Variants in SKAP1 observed in about 807,000 individuals in gnomAD.
SKAP1 encodes src kinase-associated phosphoprotein 1.
In SKAP1, 44 loss-of-function variants were observed where a neutral mutation model predicts 58.5. The ratio of observed to expected loss-of-function variants is 0.75; its 90% confidence interval spans 0.59 to 0.97. SKAP1 has a LOEUF of 0.97. Ranked by LOEUF, SKAP1 falls within the 50% of genes least tolerant of loss-of-function variation. SKAP1 has a pLI of 0.00. For synonymous variants in SKAP1, 127 were observed against 149.7 expected, an observed-to-expected ratio of 0.85 and a Z score of 1.11; for missense variants, 390 against 435.2, an observed-to-expected ratio of 0.90 and a Z score of 0.92.
chr17:48,347,802 C>T (rs1216114673), intron 3 of SKAP1, among the ~76,000 whole-genome samples: 1 of 152,096 alleles, frequency 6.6e-6, no homozygotes, highest in African/African-American at 2.4e-5. Flanking sequence ...CACTGGAAGT[C>T]CACTAAAATT....
intron 4 of SKAP1, among the ~76,000 whole-genome samples, chr17:48,198,442 G>A (rs1468484360): frequency 1.2e-4 from 13 of 105,442 alleles, no homozygotes; most frequent in African/African-American, 4.5e-4. Context: ...GAGACACAGC[G>A]AGACTCCGTC....
At chr17:48,161,171 T>C (rs2064063125) in intron 11 of SKAP1, among the ~76,000 whole-genome samples, 1 of 152,190 alleles carries the variant, frequency 6.6e-6, no homozygotes, top group South Asian at 2.1e-4. Context: ...AAGGTGCTTA[T>C]GGTATATCTC....
chr17:48,433,853 C>G (rs1002748132), upstream of SKAP1, among the ~76,000 whole-genome samples: 1 of 152,192 alleles, frequency 6.6e-6, no homozygotes, highest in Non-Finnish European at 1.5e-5. Context: ...TACATGTTCT[C>G]ATGCCAGGTG....
intron 4 of SKAP1, among the ~76,000 whole-genome samples, chr17:48,277,395 T>C (rs1419785080): frequency 6.6e-6 from 1 of 152,236 alleles, no homozygotes; most frequent in Admixed American, 6.5e-5. Flanking sequence ...CTAATTTATC[T>C]ATACTGAAAT....
chr17:48,208,304 A>G (rs1053428166), intron 4 of SKAP1, among the ~76,000 whole-genome samples: 1 of 152,140 alleles, frequency 6.6e-6, no homozygotes, highest in Non-Finnish European at 1.5e-5. Context: ...AAATGCTTTG[A>G]TTCCACCTTG....
At chr17:48,202,957 C>T (rs2064747766) in intron 4 of SKAP1, among the ~76,000 whole-genome samples, 1 of 152,122 alleles carries the variant, frequency 6.6e-6, no homozygotes, top group Admixed American at 6.5e-5. Flanking sequence ...CGGGATGAGG[C>T]AAAGCATCTT....
chr17:48,194,747 C>T (rs2064601058), intron 4 of SKAP1, among the ~76,000 whole-genome samples: 1 of 152,188 alleles, frequency 6.6e-6, no homozygotes, highest in Admixed American at 6.5e-5. Context: ...ATGGACTTCT[C>T]CCATCCTCCC....
intron 4 of SKAP1, among the ~76,000 whole-genome samples, chr17:48,288,772 C>A (rs1054135079): frequency 6.6e-6 from 1 of 152,106 alleles, no homozygotes; most frequent in Non-Finnish European, 1.5e-5. Flanking sequence ...TTATCATAAC[C>A]GTGTCTACCT....
At chr17:48,213,110 G>A (rs1015859644) in intron 4 of SKAP1, among the ~76,000 whole-genome samples, 1 of 152,160 alleles carries the variant, frequency 6.6e-6, no homozygotes, top group African/African-American at 2.4e-5. Context: ...GGGAGGCTGA[G>A]GCGTGTGGAT....
At chr17:48,174,990 A>G (rs1429354252) in intron 9 of SKAP1, among the ~76,000 whole-genome samples, 2 of 152,222 alleles carry the variant, frequency 1.3e-5, no homozygotes, top group Admixed American at 1.3e-4. Flanking sequence ...ACCATGGGGC[A>G]TCACAAATGA....
chr17:48,307,138 G>A (rs2066153189), intron 4 of SKAP1, among the ~76,000 whole-genome samples: 1 of 152,036 alleles, frequency 6.6e-6, no homozygotes, highest in African/African-American at 2.4e-5. Context: ...CCCAGGAAGG[G>A]GTCTTTTCCA....
chr17:48,405,392 C>CTTTCTTT (rs1491435155), intron 1 of SKAP1, among the ~76,000 whole-genome samples: 2 of 107,310 alleles, frequency 1.9e-5, no homozygotes, highest in African/African-American at 3.7e-5. Flanking sequence ...TTTTCTCTTT[C>CTTTCTTT]CTTTCTTTCT....
intron 1 of SKAP1, among the ~76,000 whole-genome samples, chr17:48,407,904 G>A (rs1266380659): frequency 6.7e-6 from 1 of 150,064 alleles, no homozygotes. Flanking sequence ...ATAAGTGTAA[G>A]TGTAAGAGCT....
chr17:48,214,015 T>A (rs1355919219), intron 4 of SKAP1, among the ~76,000 whole-genome samples: 1 of 152,214 alleles, frequency 6.6e-6, no homozygotes, highest in African/African-American at 2.4e-5. Context: ...AAGAGGGACA[T>A]CAAATAATGG....
At chr17:48,134,278 T>C (rs1433095764) in intron 12 of SKAP1, among the ~76,000 whole-genome samples, 1 of 152,242 alleles carries the variant, frequency 6.6e-6, no homozygotes, top group Non-Finnish European at 1.5e-5. Context: ...GGATAATTTC[T>C]ATTTTTTTTT....
At chr17:48,367,738 C>G (rs548041629) in intron 2 of SKAP1, among the ~76,000 whole-genome samples, 13 of 151,292 alleles carry the variant, frequency 8.6e-5, no homozygotes, top group Non-Finnish European at 1.8e-4. Context: ...GGAAACATGG[C>G]GAAACTTCAT....
chr17:48,394,240 C>G (rs1221065683), intron 2 of SKAP1, among the ~76,000 whole-genome samples: 2 of 151,926 alleles, frequency 1.3e-5, no homozygotes, highest in Non-Finnish European at 2.9e-5. Flanking sequence ...GAAAAACAAA[C>G]AAACAAAAAA....
chr17:48,138,399 T>G (rs2144567292), intron 11 of SKAP1, among the ~76,000 whole-genome samples: 1 of 150,914 alleles, frequency 6.6e-6, no homozygotes, highest in Non-Finnish European at 1.5e-5. Flanking sequence ...AGACAGAGTC[T>G]GGCTCTGTCT....
At chr17:48,243,097 T>C (rs1279374181) in intron 4 of SKAP1, among the ~76,000 whole-genome samples, 2 of 152,236 alleles carry the variant, frequency 1.3e-5, no homozygotes, top group Non-Finnish European at 2.9e-5. Flanking sequence ...ATGTAAAATG[T>C]AACTCGTCAC....
Sources: gnomAD v4.1 joint callset for allele counts (sites outside exome capture counted in the v4.1 genomes callset) on GRCh38, gnomAD v4.1.1 for gene constraint, MANE v1.5 for transcripts, NCBI Gene and HGNC (gene_info 2026-07-23, HGNC 2026-07-21) for gene names.